Variants in USP53 observed in about 807,000 individuals in gnomAD.
The protein encoded by USP53 is ubiquitin specific peptidase 53, also known as ubiquitin carboxyl-terminal hydrolase 53.
USP53 carries 71 observed loss-of-function variants against 94.9 expected under a neutral mutation model. The ratio of observed to expected loss-of-function variants is 0.75; its 90% confidence interval spans 0.62 to 0.91. The LOEUF is 0.91. Ranked by LOEUF, USP53 falls within the 40% of genes least tolerant of loss-of-function variation. The pLI, the probability that USP53 is intolerant of heterozygous loss-of-function variation, is 0.00. For missense variants in USP53, 1,173 were observed against 1,281.0 expected (o/e 0.92, Z 1.29); for synonymous variants, 375 against 422.7 (o/e 0.89, Z 1.39).
At chr4:119,237,416 G>C (rs183690653) in intron 4 of USP53, among the ~76,000 whole-genome samples, 2 of 152,284 alleles carry the variant, frequency 1.3e-5, no homozygotes, top group East Asian at 3.9e-4. Flanking sequence ...ATGCATGTTC[G>C]TGGGGAACCT....
chr4:119,216,016 T>C (rs946990410), intron 2 of USP53, among the ~76,000 whole-genome samples: 1 of 152,222 alleles, frequency 6.6e-6, no homozygotes, highest in African/African-American at 2.4e-5. Flanking sequence ...GTTAGAAGTA[T>C]TGAATAAACA....
intron 16 of USP53, chr4:119,272,426 T>C (rs1751986545): frequency 6.3e-6 from 1 of 159,268 alleles, no homozygotes; most frequent in African/African-American, 2.4e-5. Flanking sequence ...CTTTTTTTGG[T>C]GGGAGGGGAA....
At chr4:119,268,490 T>A in intron 14 of USP53, 70 bp downstream of exon 14, 1 of 1,391,266 alleles carries the variant, frequency 7.2e-7, no homozygotes, top group South Asian at 1.6e-5. Flanking sequence ...TATCGGAGGA[T>A]GCTTACCTAG....
At chr4:119,272,415 T>A (rs1275151568) in intron 16 of USP53, 1 of 158,946 alleles carries the variant, frequency 6.3e-6, no homozygotes, top group Non-Finnish European at 1.4e-5. Context: ...GTTTAATTCT[T>A]CTTTTTTTGG....
intron 3 of USP53, among the ~76,000 whole-genome samples, chr4:119,231,283 C>T (rs1430069974): frequency 1.3e-5 from 2 of 152,096 alleles, no homozygotes; most frequent in African/African-American, 2.4e-5. Context: ...TTATTTCCTT[C>T]ATTATTTACT....
chr4:119,291,272 T>C lies in USP53; in HGVS notation c.2348+11T>C. 2 of 1,452,688 alleles carry C rather than the reference T, an allele frequency of 1.4e-6. No individual in the cohort carries two copies. Among genetic ancestry groups the C allele is most frequent in the Non-Finnish European group, 1.8e-6 (2 of 1,090,974 alleles). 90.0% of individuals were successfully genotyped at this position (1,452,688 alleles called of 1,614,324 possible). A position where few individuals can be genotyped will look rare whatever the true frequency, so the allele number is the denominator to read the frequency against. ...TCATTTGATAAAAAGGTAACCATAT[T>C]TTTTTTCCCTAAATACATGTATTAT... is the stretch of plus-strand genomic sequence containing the variant. On this transcript the variant is annotated intron_variant, in intron 18 of 18. Transcript: ENST00000692078.
intron 3 of USP53, among the ~76,000 whole-genome samples, chr4:119,230,685 A>C (rs1224913120): frequency 6.6e-6 from 1 of 152,176 alleles, no homozygotes; most frequent in East Asian, 1.9e-4. Context: ...CAACTCACCA[A>C]AACACATGAA....
At chr4:119,281,950 C>G (rs1478502970) in intron 17 of USP53, among the ~76,000 whole-genome samples, 1 of 152,086 alleles carries the variant, frequency 6.6e-6, no homozygotes, top group African/African-American at 2.4e-5. Context: ...CTGAAGTTCT[C>G]TACCCATTAA....
intron 2 of USP53, among the ~76,000 whole-genome samples, chr4:119,215,245 G>A (rs1578395082): frequency 6.6e-6 from 1 of 152,172 alleles, no homozygotes; most frequent in East Asian, 1.9e-4. Flanking sequence ...TACAAATATA[G>A]TATTATTATA....
Position 119,268,405 on chromosome 4 carries a change from G to A in USP53, c.1273G>A (p.Val425Ile). 1 of 1,612,188 alleles carries A rather than the reference G, an allele frequency of 6.2e-7. No individual in the cohort carries two copies. The highest frequency in any genetic ancestry group is 8.5e-7 in the Non-Finnish European group (1 of 1,179,242). ...TAATCGGAGCCACAGTCACACAGGTGTAGGGAAAGGACCAGGTATGTGTTT... is the reference window on the plus strand; with the variant it reads ...TAATCGGAGCCACAGTCACACAGGTATAGGGAAAGGACCAGGTATGTGTTT... Reference protein sequence around the residue: ...SSNRSHSHTGVGKGPAKLSHI... With the variant: ...SSNRSHSHTGIGKGPAKLSHI... Residue 425 changes from valine (V) to isoleucine (I), a missense_variant, in exon 14 of 19, where the codon GTA (valine) becomes ATA (isoleucine). Val to Ile is a conservative substitution (Grantham distance 29, BLOSUM62 3). Coordinates refer to ENST00000692078, the MANE Select transcript of USP53 (RefSeq NM_001371395.1).
chr4:119,212,972 C>G (rs1743063997), intron 1 of USP53, 99 bp downstream of exon 1: 1 of 158,342 alleles, frequency 6.3e-6, no homozygotes, highest in African/African-American at 2.4e-5. Flanking sequence ...GAGCTCGTCT[C>G]TCCCCTCGCA....
At chr4:119,273,953 T>C (rs921513230) in intron 17 of USP53, among the ~76,000 whole-genome samples, 3 of 151,664 alleles carry the variant, frequency 2.0e-5, no homozygotes, top group Admixed American at 6.6e-5. Context: ...TGCTATACTT[T>C]CCACATTGAC....
chr4:119,282,770 G>T (rs957334407), intron 17 of USP53, among the ~76,000 whole-genome samples: 1 of 151,506 alleles, frequency 6.6e-6, no homozygotes. Context: ...CCCCAATAAG[G>T]GACAATTTAT....
At chr4:119,289,192 C>T (rs949222882) in intron 17 of USP53, among the ~76,000 whole-genome samples, 2 of 151,998 alleles carry the variant, frequency 1.3e-5, no homozygotes, top group Admixed American at 6.6e-5. Context: ...TATAGAATAA[C>T]AAAAAGATGT....
At chr4:119,245,678 C>T (rs1748135856) in intron 6 of USP53, among the ~76,000 whole-genome samples, 1 of 152,048 alleles carries the variant, frequency 6.6e-6, no homozygotes, top group African/African-American at 2.4e-5. Context: ...CATTATTTTG[C>T]AATTATTCTT....
intron 5 of USP53, among the ~76,000 whole-genome samples, chr4:119,244,491 ATAG>A (rs748509766): frequency 1.3e-5 from 2 of 152,198 alleles, no homozygotes; most frequent in African/African-American, 4.8e-5. Flanking sequence ...GTTTGTTGTA[ATAG>A]TAGTAACAGC....
At chr4:119,275,238 G>A (rs1416155233) in intron 17 of USP53, among the ~76,000 whole-genome samples, 1 of 82,956 alleles carries the variant, frequency 1.2e-5, no homozygotes, top group Non-Finnish European at 2.7e-5. Context: ...TAGGTCTAAC[G>A]TTTAAATCTT....
intron 17 of USP53, among the ~76,000 whole-genome samples, chr4:119,278,416 T>C (rs1257653818): frequency 6.8e-6 from 1 of 146,668 alleles, no homozygotes; most frequent in South Asian, 2.2e-4. Flanking sequence ...TTTAAGAATG[T>C]TGAATATTGG....
chr4:119,287,238 C>T (rs1017900914), intron 17 of USP53, among the ~76,000 whole-genome samples: 10 of 151,854 alleles, frequency 6.6e-5, no homozygotes, highest in South Asian at 6.2e-4. Flanking sequence ...ATAATCAGAG[C>T]GCTTACAGCA....
Sources: gnomAD v4.1 joint callset for allele counts (sites outside exome capture counted in the v4.1 genomes callset) on GRCh38, gnomAD v4.1.1 for gene constraint, MANE v1.5 for transcripts, NCBI Gene and HGNC (gene_info 2026-07-23, HGNC 2026-07-21) for gene names.